STARD13: variants seen among roughly 807,000 people sequenced by gnomAD.
The protein encoded by STARD13 is StAR related lipid transfer domain containing 13, also known as stAR-related lipid transfer protein 13.
Under a neutral mutation model 106.4 loss-of-function variants are expected in STARD13, and 62 were observed. The observed-to-expected ratio is 0.58, with a 90% CI of 0.48 to 0.72. The LOEUF (loss-of-function observed/expected upper bound fraction) is 0.72. STARD13 is among the 30% of genes least tolerant of loss of function. The probability of loss-of-function intolerance (pLI) is 0.00; values close to 1 mark genes in which losing one functional copy is unlikely to be tolerated. For missense variants in STARD13, 1,387 were observed against 1,424.0 expected (o/e 0.97, Z 0.42); for synonymous variants, 565 against 553.0 (o/e 1.02, Z -0.31).
At chr13:33,553,006 A>C in the STARD13 span, among the ~76,000 whole-genome samples, 2 of 152,226 alleles carry the variant, frequency 1.3e-5, no homozygotes, top group African/African-American at 4.8e-5. Context: ...GCTAAAATAT[A>C]ATATGGATAT....
At chr13:33,285,798 C>A (rs562230929), upstream of STARD13, 1 of 1,423,386 alleles carries the variant, frequency 7.0e-7, no homozygotes, top group Non-Finnish European at 9.1e-7. Flanking sequence ...AGAATTCCAA[C>A]CCCCGGGGCC....
chr13:33,443,756 C>T, the STARD13 span, among the ~76,000 whole-genome samples: 1 of 151,568 alleles, frequency 6.6e-6, no homozygotes, highest in South Asian at 2.1e-4. Flanking sequence ...TGGTGATGTG[C>T]ACCTGTAATC....
At chr13:33,445,403 A>G in the STARD13 span, among the ~76,000 whole-genome samples, 1 of 152,168 alleles carries the variant, frequency 6.6e-6, no homozygotes, top group Non-Finnish European at 1.5e-5. Context: ...CTAAGTAACA[A>G]TGAGTAGAAA....
the STARD13 span, among the ~76,000 whole-genome samples, chr13:33,519,269 TTTC>T: frequency 1.4e-5 from 2 of 146,298 alleles, no homozygotes; most frequent in South Asian, 4.3e-4. Context: ...TCTTTCTTTC[TTTC>T]TTTTCTTTCT....
chr13:33,585,054 G>C, the STARD13 span, among the ~76,000 whole-genome samples: 2 of 152,126 alleles, frequency 1.3e-5, no homozygotes, highest in East Asian at 1.9e-4. Flanking sequence ...TCCAGTCTCA[G>C]GTATTTCTTT....
intron 1 of STARD13, among the ~76,000 whole-genome samples, chr13:33,265,870 A>G (rs527378140): frequency 6.5e-4 from 99 of 152,230 alleles, no homozygotes; most frequent in African/African-American, 2.4e-3. Context: ...ATAAATTCAA[A>G]TTAATGGGTT....
At chr13:33,502,407 AC>A in the STARD13 span, among the ~76,000 whole-genome samples, 1 of 152,196 alleles carries the variant, frequency 6.6e-6, no homozygotes, top group African/African-American at 2.4e-5. Context: ...CCTGGCCAGA[AC>A]TTACAACACT....
chr13:33,390,311 GC>G, the STARD13 span, among the ~76,000 whole-genome samples: 1 of 152,094 alleles, frequency 6.6e-6, no homozygotes, highest in Non-Finnish European at 1.5e-5. Flanking sequence ...ATGTTGCTTT[GC>G]CCAAGAGTGA....
At chr13:33,531,032 C>T in the STARD13 span, among the ~76,000 whole-genome samples, 1 of 152,116 alleles carries the variant, frequency 6.6e-6, no homozygotes, top group Non-Finnish European at 1.5e-5. Context: ...TGGGAGGGAT[C>T]AGGTGGGAGG....
At chr13:33,434,352 C>CAAAAAAAAAAAAAAA in the STARD13 span, among the ~76,000 whole-genome samples, 2 of 70,312 alleles carry the variant, frequency 2.8e-5, no homozygotes, top group South Asian at 5.8e-4. Flanking sequence ...GACTCTGTCT[C>CAAAAAAAAAAAAAAA]AAAAAAAAAA....
chr13:33,369,615 T>C, the STARD13 span, among the ~76,000 whole-genome samples: 81 of 152,358 alleles, frequency 5.3e-4, no homozygotes, highest in Middle Eastern at 3.4e-3. Flanking sequence ...CAAATGTCAC[T>C]TGTTTTAGGC....
intron 1 of STARD13, among the ~76,000 whole-genome samples, chr13:33,185,082 C>A (rs544571660): frequency 6.6e-6 from 1 of 152,334 alleles, no homozygotes; most frequent in East Asian, 1.9e-4. Flanking sequence ...AGATAAATCT[C>A]ATTTTCAGAG....
At chr13:33,374,454 C>T in the STARD13 span, among the ~76,000 whole-genome samples, 1 of 151,914 alleles carries the variant, frequency 6.6e-6, no homozygotes, top group Non-Finnish European at 1.5e-5. Flanking sequence ...TATTTTATCA[C>T]AATAAAAAAT....
chr13:33,364,525 T>A, the STARD13 span, among the ~76,000 whole-genome samples: 1 of 152,174 alleles, frequency 6.6e-6, no homozygotes, highest in South Asian at 2.1e-4. Flanking sequence ...AAATGTCCCA[T>A]CTAGGGGAAA....
At chr13:33,175,364 G>A (rs1348517777) in intron 1 of STARD13, among the ~76,000 whole-genome samples, 1 of 152,150 alleles carries the variant, frequency 6.6e-6, no homozygotes, top group African/African-American at 2.4e-5. Flanking sequence ...GCAAGGCAGG[G>A]AACACAGAGT....
At chr13:33,625,452 C>T in the STARD13 span, among the ~76,000 whole-genome samples, 1 of 152,024 alleles carries the variant, frequency 6.6e-6, no homozygotes, top group African/African-American at 2.4e-5. Context: ...CGCCTGTAGT[C>T]CCAGCTACTC....
chr13:33,346,921 A>G (rs2078023712), downstream of STARD13, among the ~76,000 whole-genome samples: 1 of 152,012 alleles, frequency 6.6e-6, no homozygotes, highest in Non-Finnish European at 1.5e-5. Flanking sequence ...TACAGGCATG[A>G]GCCGCTGCAC....
chr13:33,551,440 T>C, the STARD13 span, among the ~76,000 whole-genome samples: 3 of 152,140 alleles, frequency 2.0e-5, no homozygotes, highest in African/African-American at 7.2e-5. Context: ...TTAGGGATGG[T>C]TAAGATGTAA....
intron 1 of STARD13, among the ~76,000 whole-genome samples, chr13:33,182,519 G>A (rs1179245668): frequency 1.3e-5 from 2 of 151,964 alleles, no homozygotes; most frequent in African/African-American, 4.8e-5. Context: ...GGCTTCCCCG[G>A]ACCACATTGG....
Sources: gnomAD v4.1 joint callset for allele counts (sites outside exome capture counted in the v4.1 genomes callset) on GRCh38, gnomAD v4.1.1 for gene constraint, MANE v1.5 for transcripts, NCBI Gene and HGNC (gene_info 2026-07-23, HGNC 2026-07-21) for gene names.